The following MARCHF4 variants were observed in gnomAD, a reference collection of about 807,000 sequenced individuals.
The protein encoded by MARCHF4 is E3 ubiquitin-protein ligase MARCHF4.
Under a neutral mutation model 43.9 loss-of-function variants are expected in MARCHF4, and 14 were observed. The observed-to-expected ratio is 0.32, with a 90% confidence interval of 0.21 to 0.50. The LOEUF is 0.50. Among genes scored for constraint, MARCHF4 ranks in the 20% least tolerant of loss-of-function variants. The probability of loss-of-function intolerance (pLI) is 0.98; values close to 1 mark genes in which losing one functional copy is unlikely to be tolerated. For missense variants in MARCHF4, 468 were observed against 536.7 expected, an observed-to-expected ratio of 0.87 and a Z score of 1.27; for synonymous variants, 226 against 213.3, an observed-to-expected ratio of 1.06 and a Z score of -0.52.
intron 1 of MARCHF4, among the ~76,000 whole-genome samples, chr2:216,286,676 A>G (rs1447992861): frequency 1.3e-5 from 2 of 152,224 alleles, no homozygotes; most frequent in African/African-American, 4.8e-5. Flanking sequence ...TCTTGCATTC[A>G]GGCAAATTTT....
At chr2:216,315,776 T>C (rs1212030595) in intron 1 of MARCHF4, among the ~76,000 whole-genome samples, 1 of 151,614 alleles carries the variant, frequency 6.6e-6, no homozygotes, top group East Asian at 1.9e-4. Context: ...TCTTTATATT[T>C]TATATGACCT....
intron 1 of MARCHF4, among the ~76,000 whole-genome samples, chr2:216,318,349 G>A (rs1691818020): frequency 6.6e-6 from 1 of 152,244 alleles, no homozygotes; most frequent in Admixed American, 6.5e-5. Flanking sequence ...CGGGGATGTA[G>A]CAGTGAACAA....
intron 3 of MARCHF4, among the ~76,000 whole-genome samples, chr2:216,273,920 G>C (rs1257622810): frequency 6.6e-6 from 1 of 152,208 alleles, no homozygotes; most frequent in Non-Finnish European, 1.5e-5. Flanking sequence ...GGAGAGGGGT[G>C]ATGGGGACAT....
intron 3 of MARCHF4, chr2:216,259,881 T>C (rs1042523184): frequency 1.3e-4 from 75 of 588,278 alleles, no homozygotes; most frequent in African/African-American, 1.2e-3. Context: ...GTCCATGAAA[T>C]AGTTGAGCAC....
At chr2:216,284,260 G>T (rs1691183281) in intron 1 of MARCHF4, among the ~76,000 whole-genome samples, 1 of 152,090 alleles carries the variant, frequency 6.6e-6, no homozygotes, top group Non-Finnish European at 1.5e-5. Flanking sequence ...CTGAAGGCCT[G>T]GGTCCCTCCA....
chr2:216,259,257 C>A lies in MARCHF4; in HGVS notation c.*55G>T. 1 of 1,504,272 alleles carries A rather than the reference C, an allele frequency of 6.6e-7. No individual in the cohort carries two copies. The highest frequency in any genetic ancestry group is 8.9e-7 in the Non-Finnish European group (1 of 1,128,786). 93.2% of individuals were successfully genotyped at this position (1,504,272 alleles called of 1,614,324 possible). Reference sequence around the variant, plus strand: ...CTCTGGGGGTGCCACTGCACCTCCCCACCCTGCTCCGGGCCCTCAGTGGTG... The same window carrying A: ...CTCTGGGGGTGCCACTGCACCTCCCAACCCTGCTCCGGGCCCTCAGTGGTG... On this transcript the variant is annotated 3_prime_UTR_variant, in exon 4 of 4. Transcript: ENST00000273067.
chr2:216,271,174 A>G (rs1479471656), intron 3 of MARCHF4, among the ~76,000 whole-genome samples: 1 of 152,110 alleles, frequency 6.6e-6, no homozygotes, highest in African/African-American at 2.4e-5. Context: ...GGCATGGCCA[A>G]CTGCTCCAAG....
At chr2:216,354,907 C>G (rs1479102116) in intron 1 of MARCHF4, among the ~76,000 whole-genome samples, 1 of 68,186 alleles carries the variant, frequency 1.5e-5, no homozygotes, top group African/African-American at 7.2e-5. Flanking sequence ...TTCTTTCTTT[C>G]TTTCTTTCTT....
At chr2:216,318,044 A>G (rs1225562479) in intron 1 of MARCHF4, 1 of 152,220 alleles carries the variant, frequency 6.6e-6, no homozygotes, top group Non-Finnish European at 1.5e-5. Flanking sequence ...AAATGAAAGC[A>G]TGTTGCTCAT....
At chr2:216,313,147 C>T (rs1691717080) in intron 1 of MARCHF4, among the ~76,000 whole-genome samples, 2 of 152,128 alleles carry the variant, frequency 1.3e-5, no homozygotes, top group Non-Finnish European at 2.9e-5. Flanking sequence ...GTCCTTTCCC[C>T]ATTGTTTATT....
At chr2:216,324,344 G>T (rs1224514618) in intron 1 of MARCHF4, among the ~76,000 whole-genome samples, 3 of 146,124 alleles carry the variant, frequency 2.1e-5, no homozygotes, top group Non-Finnish European at 3.0e-5. Context: ...ACCAAAAAGA[G>T]TCCAGGACCA....
chr2:216,293,340 T>C (rs2105945846), intron 1 of MARCHF4, among the ~76,000 whole-genome samples: 1 of 152,224 alleles, frequency 6.6e-6, no homozygotes, highest in South Asian at 2.1e-4. Context: ...AAATAAGGCA[T>C]TGTTGCAAGA....
At chr2:216,345,758 A>G (rs1362778704) in intron 1 of MARCHF4, among the ~76,000 whole-genome samples, 1 of 152,158 alleles carries the variant, frequency 6.6e-6, no homozygotes, top group Non-Finnish European at 1.5e-5. Context: ...GAAATGCAGA[A>G]TTTCGGGCTC....
At chr2:216,336,263 C>T (rs1184168569) in intron 1 of MARCHF4, among the ~76,000 whole-genome samples, 2 of 151,844 alleles carry the variant, frequency 1.3e-5, no homozygotes, top group Middle Eastern at 3.4e-3. Context: ...CAGTAAAAAC[C>T]GAAAGATTTT....
intron 1 of MARCHF4, among the ~76,000 whole-genome samples, chr2:216,312,751 T>C (rs1691709576): frequency 6.6e-6 from 1 of 152,262 alleles, no homozygotes; most frequent in South Asian, 2.1e-4. Flanking sequence ...TGTTGAGTTA[T>C]TTGAGTTCCC....
chr2:216,347,881 T>G (rs1022837630), intron 1 of MARCHF4, among the ~76,000 whole-genome samples: 3 of 151,430 alleles, frequency 2.0e-5, no homozygotes, highest in Admixed American at 1.3e-4. Context: ...ACCAAAAAGT[T>G]GCAAAAATAC....
chr2:216,348,126 C>T (rs576644877), intron 1 of MARCHF4, among the ~76,000 whole-genome samples: 1 of 150,944 alleles, frequency 6.6e-6, no homozygotes, highest in East Asian at 2.0e-4. Context: ...AAACCTCCGC[C>T]TCCCCGGTTC....
At chr2:216,325,397 A>T (rs1691972144) in intron 1 of MARCHF4, among the ~76,000 whole-genome samples, 1 of 152,356 alleles carries the variant, frequency 6.6e-6, no homozygotes, top group East Asian at 1.9e-4. Context: ...TGCCCAAGGT[A>T]ATTTACAGAT....
intron 3 of MARCHF4, among the ~76,000 whole-genome samples, chr2:216,272,408 T>C (rs752428731): frequency 6.6e-5 from 10 of 152,246 alleles, no homozygotes; most frequent in Non-Finnish European, 1.3e-4. Context: ...GAATTTCTGA[T>C]TGTTACCAGC....
Sources: allele counts gnomAD v4.1 joint callset (sites outside exome capture counted in the v4.1 genomes callset), GRCh38; gene constraint gnomAD v4.1.1; transcripts MANE v1.5; gene names NCBI Gene and HGNC (gene_info 2026-07-23, HGNC 2026-07-21).